Variants in CCDC178 observed in about 807,000 individuals in gnomAD.
The protein encoded by CCDC178 is coiled-coil domain-containing protein 178.
A neutral mutation model predicts 117.4 loss-of-function variants in CCDC178; 126 were observed. The ratio of observed to expected loss-of-function variants is 1.07; its 90% confidence interval spans 0.93 to 1.24. The LOEUF (loss-of-function observed/expected upper bound fraction) is 1.24, where lower values mean the gene tolerates loss of function less well. CCDC178 is among the 50% of genes most tolerant of loss of function. The pLI, the probability that CCDC178 is intolerant of heterozygous loss-of-function variation, is 0.00. For synonymous variants in CCDC178, 283 were observed against 313.4 expected (o/e 0.90, Z 1.02); for missense variants, 1,030 against 986.9 (o/e 1.04, Z -0.59).
At chr18:32,949,321 T>A (rs529737123) in intron 22 of CCDC178, among the ~76,000 whole-genome samples, 49 of 152,216 alleles carry the variant, frequency 3.2e-4, no homozygotes, top group South Asian at 1.7e-3. Flanking sequence ...CATGATTTTT[T>A]AAATATTTTT....
intron 21 of CCDC178, among the ~76,000 whole-genome samples, chr18:33,084,821 A>G (rs1446583338): frequency 4.6e-5 from 7 of 151,952 alleles, no homozygotes; most frequent in South Asian, 4.1e-4. Flanking sequence ...AAAAAAAAAA[A>G]AAAGAAAGAA....
intron 20 of CCDC178, among the ~76,000 whole-genome samples, chr18:33,095,528 T>C (rs1291451829): frequency 2.0e-5 from 3 of 152,018 alleles, no homozygotes; most frequent in Non-Finnish European, 4.4e-5. Flanking sequence ...GATGAGACCA[T>C]CATTTTGTTC....
At chr18:33,303,740 G>T (rs2144918646) in intron 11 of CCDC178, among the ~76,000 whole-genome samples, 1 of 152,112 alleles carries the variant, frequency 6.6e-6, no homozygotes, top group African/African-American at 2.4e-5. Context: ...AAATTGTTGT[G>T]TTAATCTGCA....
At chr18:33,014,433 A>G (rs557283820) in intron 21 of CCDC178, among the ~76,000 whole-genome samples, 2 of 152,316 alleles carry the variant, frequency 1.3e-5, no homozygotes, top group South Asian at 4.1e-4. Flanking sequence ...AAAAGGAAAA[A>G]CTGGAAAAAG....
intron 22 of CCDC178, chr18:32,954,049 G>A (rs912251106): frequency 6.6e-6 from 1 of 151,996 alleles, no homozygotes; most frequent in African/African-American, 2.4e-5. Context: ...AAACAATACG[G>A]TGTCCCTACT....
chr18:33,284,775 T>C (rs1016136457), intron 12 of CCDC178, among the ~76,000 whole-genome samples: 3 of 152,040 alleles, frequency 2.0e-5, no homozygotes, highest in African/African-American at 4.8e-5. Flanking sequence ...TGAAGCAGAG[T>C]TTGTGGGGCA....
At position 33,078,027 on chromosome 18, in the gene CCDC178, A is replaced by G. The variant is rs1270459759; in HGVS notation, c.2388+14734T>C. 2.0e-5 allele frequency among the ~76,000 whole-genome samples: 3 copies of G among 152,190 alleles called. No homozygotes were observed. In the East Asian group the frequency reaches 5.8e-4, roughly 29 times the overall value. On this transcript the variant is annotated intron_variant, in intron 21 of 22. Transcript: ENST00000383096. Reference sequence around the variant, plus strand: ...TAGTATTGATGAACATTAATGCAAAACTCCTTAACAAAATACTTGCAAACC... The same window carrying G: ...TAGTATTGATGAACATTAATGCAAAGCTCCTTAACAAAATACTTGCAAACC...
At chr18:33,051,888 G>T (rs1567957510) in intron 21 of CCDC178, among the ~76,000 whole-genome samples, 1 of 152,138 alleles carries the variant, frequency 6.6e-6, no homozygotes, top group South Asian at 2.1e-4. Context: ...ATTCAAATGG[G>T]TTTTTTAGCA....
chr18:33,414,495 A>G (rs1364728211), intron 2 of CCDC178, among the ~76,000 whole-genome samples: 1 of 152,250 alleles, frequency 6.6e-6, no homozygotes. Flanking sequence ...CTGGCTAGCC[A>G]CAGGTAGAAA....
intron 20 of CCDC178, among the ~76,000 whole-genome samples, chr18:33,113,365 T>G (rs371992211): frequency 1.7e-4 from 26 of 152,100 alleles, no homozygotes; most frequent in East Asian, 9.7e-4. Context: ...GAAAGAGATT[T>G]GATGACTTGT....
At chr18:33,251,627 A>G (rs2059619369) in intron 14 of CCDC178, among the ~76,000 whole-genome samples, 1 of 151,762 alleles carries the variant, frequency 6.6e-6, no homozygotes, top group African/African-American at 2.4e-5. Flanking sequence ...TAAAGTTTGT[A>G]GAAACAAGAT....
intron 21 of CCDC178, among the ~76,000 whole-genome samples, chr18:33,072,682 T>C (rs949285201): frequency 1.3e-5 from 2 of 152,204 alleles, no homozygotes; most frequent in African/African-American, 4.8e-5. Context: ...TTTATAAGTA[T>C]ATATTTTAAG....
chr18:33,072,985 A>T (rs1339544746), intron 21 of CCDC178, among the ~76,000 whole-genome samples: 2 of 152,030 alleles, frequency 1.3e-5, no homozygotes, highest in Non-Finnish European at 2.9e-5. Context: ...GATATTTGGG[A>T]TTGTGTCTGA....
At chr18:33,148,748 T>C (rs1282345747) in intron 20 of CCDC178, among the ~76,000 whole-genome samples, 5 of 152,226 alleles carry the variant, frequency 3.3e-5, no homozygotes. Flanking sequence ...TATAGTATAA[T>C]ATGCAGAAAC....
intron 7 of CCDC178, among the ~76,000 whole-genome samples, chr18:33,349,776 C>T (rs965836609): frequency 2.0e-5 from 3 of 151,456 alleles, no homozygotes; most frequent in South Asian, 4.2e-4. Flanking sequence ...TGTATACATA[C>T]CAAAAATCAT....
intron 12 of CCDC178, among the ~76,000 whole-genome samples, chr18:33,283,919 G>A (rs878935979): frequency 1.3e-5 from 2 of 152,176 alleles, no homozygotes; most frequent in African/African-American, 2.4e-5. Flanking sequence ...ATACCCAAAG[G>A]ACTATAAATC....
At chr18:33,391,175 A>G (rs2063559668) in intron 4 of CCDC178, among the ~76,000 whole-genome samples, 1 of 151,714 alleles carries the variant, frequency 6.6e-6, no homozygotes, top group Admixed American at 6.6e-5. Flanking sequence ...ATTTTCTGAA[A>G]AAGAAAACTT....
intron 22 of CCDC178, among the ~76,000 whole-genome samples, chr18:32,940,837 A>G (rs1818548347): frequency 6.6e-6 from 1 of 152,120 alleles, no homozygotes; most frequent in Non-Finnish European, 1.5e-5. Flanking sequence ...AACAAAATGA[A>G]ATCAGAATCA....
chr18:33,405,545 A>G (rs2063769408), intron 3 of CCDC178, among the ~76,000 whole-genome samples: 1 of 151,964 alleles, frequency 6.6e-6, no homozygotes, highest in Admixed American at 6.6e-5. Flanking sequence ...TACATTTAAG[A>G]TACTCTCATA....
Sources: allele counts gnomAD v4.1 joint callset (sites outside exome capture counted in the v4.1 genomes callset), GRCh38; gene constraint gnomAD v4.1.1; transcripts MANE v1.5; gene names NCBI Gene and HGNC (gene_info 2026-07-23, HGNC 2026-07-21).